SLC26A4: variants seen among roughly 807,000 people sequenced by gnomAD.
SLC26A4 encodes solute carrier family 26 member 4.
SLC26A4 carries 93 observed loss-of-function variants against 90.4 expected under a neutral mutation model. The ratio of observed to expected loss-of-function variants is 1.03; its 90% CI spans 0.87 to 1.22. SLC26A4 has a LOEUF of 1.22. Ranked by LOEUF, SLC26A4 falls within the 50% of genes most tolerant of loss-of-function variation. The pLI, the probability that SLC26A4 is intolerant of heterozygous loss-of-function variation, is 0.00. For synonymous variants in SLC26A4, 393 were observed against 354.6 expected, an observed-to-expected ratio of 1.11 and a Z score of -1.22; for missense variants, 1,127 against 946.2, an observed-to-expected ratio of 1.19 and a Z score of -2.51.
rs568568438 is a variant in SLC26A4, at chr7:107,711,436, A to G, written c.2236-1103A>G. ...AAAACCACTAACCAAGAGTGTATCTACTAGGTTAGACTCACTCTTGTTTGC... is the reference window on the plus strand; with the variant it reads ...AAAACCACTAACCAAGAGTGTATCTGCTAGGTTAGACTCACTCTTGTTTGC... On this transcript the variant is annotated intron_variant, in intron 19 of 20. Transcript: ENST00000644269. Among the ~76,000 whole-genome samples, 4 of 152,262 alleles carry G rather than the reference A, an allele frequency of 2.6e-5. No individual in the cohort carries two copies. In the East Asian group the frequency reaches 7.8e-4, roughly 30 times the overall value.
chr7:107,664,129 G>A (rs760298461), intron 3 of SLC26A4, among the ~76,000 whole-genome samples: 1 of 151,784 alleles, frequency 6.6e-6, no homozygotes, highest in Non-Finnish European at 1.5e-5. Flanking sequence ...ATAACAATGT[G>A]CTAATCTTTC....
At chr7:107,672,067 T>C (rs1304154045) in intron 3 of SLC26A4, 71 bp from the exon 4 acceptor site, 2 of 918,022 alleles carry the variant, frequency 2.2e-6, no homozygotes, top group African/African-American at 3.3e-5. Context: ...AGTGGAACCA[T>C]TGTAAGTTGA....
In SLC26A4 at chr7:107,703,138, G is replaced by A. The variant is rs925617368; in HGVS notation, c.2034+1081G>A. ...TACCTACGTGGGACTTAGCAGTCTG[G>A]AGGAGAAGGCAAACATTAAGTCATC... On this transcript the variant is annotated intron_variant, in intron 17 of 20. Transcript: ENST00000644269. 6.6e-5 allele frequency among the ~76,000 whole-genome samples: 10 copies of A among 152,194 alleles called. 1 individual carries two copies. The highest frequency in any genetic ancestry group is 1.2e-4 in the African/African-American group (5 of 41,436).
In SLC26A4 at chr7:107,716,729, A is replaced by G. The variant is rs770131887; in HGVS notation, c.*1283A>G. 3 of 152,186 alleles carry G rather than the reference A, an allele frequency of 2.0e-5. No individual in the cohort carries two copies. Among genetic ancestry groups the G allele is most frequent in the Non-Finnish European group, 4.4e-5 (3 of 68,026 alleles). 9.4% of individuals were successfully genotyped at this position (152,186 alleles called of 1,614,324 possible). A position where few individuals can be genotyped will look rare whatever the true frequency, so the allele number is the denominator to read the frequency against. ...TCATTTCTAGAGAAAAGTTATACCC[A>G]GGTCCCCAATTGAGAATGTCTTGCT... On this transcript the variant is annotated 3_prime_UTR_variant, in exon 21 of 21. Transcript: ENST00000644269.
rs1584291855 is a variant in SLC26A4 at position 107,661,060 on chromosome 7, G to T, written c.-4+205G>T. 1 of 153,732 alleles carries T rather than the reference G, an allele frequency of 6.5e-6. No homozygotes were observed. The highest frequency in any genetic ancestry group is 2.4e-5 in the African/African-American group (1 of 41,460). The allele number at this position is 153,732 out of a possible 1,614,324, so 9.5% of individuals were successfully genotyped here. A position where few individuals can be genotyped will look rare whatever the true frequency, so the allele number is the denominator to read the frequency against. Reference sequence around the variant, plus strand: ...ACTTGCTCAATAAGCTGAAAGTTCTGCCCCCGAGAGGGCTGCGACAGCTGC... The same window carrying T: ...ACTTGCTCAATAAGCTGAAAGTTCTTCCCCCGAGAGGGCTGCGACAGCTGC... On this transcript the variant is annotated intron_variant, in intron 1 of 20. Transcript: ENST00000644269. This position sits in a 1 kb window ranked among gnomAD's most constrained non-coding sequence, Gnocchi z 5.1.
intron 19 of SLC26A4, 67 bp from the exon 20 acceptor site, chr7:107,712,472 T>A: frequency 1.2e-6 from 1 of 824,684 alleles, no homozygotes; most frequent in South Asian, 1.3e-5. Flanking sequence ...AAGCTTCAAA[T>A]CATTTTCAGT....
At chr7:107,690,306 G>C (rs951819192) in intron 10 of SLC26A4, 69 bp downstream of exon 10, 24 of 946,188 alleles carry the variant, frequency 2.5e-5, no homozygotes, top group Non-Finnish European at 3.7e-5. Context: ...AGGAAGGCTC[G>C]CACCGAGCTT....
chr7:107,675,236 TG>T (rs1294990835), intron 6 of SLC26A4, 127 bp downstream of exon 6: 3 of 763,574 alleles, frequency 3.9e-6, no homozygotes, highest in Non-Finnish European at 6.6e-6. Flanking sequence ...AAGGCCGAGG[TG>T]GGCAGATTGC....
intron 6 of SLC26A4, among the ~76,000 whole-genome samples, chr7:107,682,847 A>T (rs1301221493): frequency 5.3e-5 from 8 of 152,168 alleles, no homozygotes; most frequent in African/African-American, 1.9e-4. Context: ...TGTAAGTAAA[A>T]GTTAGTATGT....
At position 107,716,647 on chromosome 7, in the gene SLC26A4, C is replaced by G. The variant is rs1214377885; in HGVS notation, c.*1201C>G. On this transcript the variant is annotated 3_prime_UTR_variant, in exon 21 of 21. Coordinates refer to ENST00000644269, the MANE Select transcript of SLC26A4 (RefSeq NM_000441.2). ...TTCTAGATATTATATACAACACAGG[C>G]TTTGATCTTGGGGACTTTTCCCATA... 2 of 152,082 alleles carry G rather than the reference C, an allele frequency of 1.3e-5. No individual in the cohort carries two copies. The highest frequency in any genetic ancestry group is 2.9e-5 in the Non-Finnish European group (2 of 68,026). 9.4% of individuals were successfully genotyped at this position (152,082 alleles called of 1,614,324 possible).
intron 8 of SLC26A4, among the ~76,000 whole-genome samples, chr7:107,686,330 A>G (rs1294300328): frequency 2.8e-5 from 2 of 71,618 alleles, no homozygotes; most frequent in Non-Finnish European, 5.3e-5. Flanking sequence ...TCCCTTTCCT[A>G]CCTGCACTCC....
chr7:107,682,021 C>G (rs1238930908), intron 6 of SLC26A4, among the ~76,000 whole-genome samples: 1 of 149,762 alleles, frequency 6.7e-6, no homozygotes, highest in East Asian at 2.0e-4. Context: ...GCCTGTAGCT[C>G]CAGCTACTCT....
At chr7:107,699,150 T>C (rs1029881127) in intron 14 of SLC26A4, among the ~76,000 whole-genome samples, 11 of 152,110 alleles carry the variant, frequency 7.2e-5, no homozygotes, top group South Asian at 2.1e-4. Flanking sequence ...GATTTAGAGA[T>C]TTTTTTGGCT....
chr7:107,710,325 TCA>T (rs1792148216), intron 19 of SLC26A4, 126 bp downstream of exon 19: 1 of 721,552 alleles, frequency 1.4e-6, no homozygotes, highest in South Asian at 1.5e-5. Flanking sequence ...TCATGGAGCC[TCA>T]GTTTTTTCAT....
chr7:107,702,078 A>G (rs752684986), intron 17 of SLC26A4, 21 bp downstream of exon 17: 1 of 1,502,486 alleles, frequency 6.7e-7, no homozygotes, highest in East Asian at 2.3e-5. Context: ...GGTTTTCTGA[A>G]TTATACATTT....
rs1219724284 is a variant in SLC26A4, at chr7:107,663,435, G to A, written c.304G>A (p.Gly102Arg). Reference protein sequence around the residue: ...VSTGLVATLQGMAYALLAAVP... With the variant: ...VSTGLVATLQRMAYALLAAVP... ...TACTGGGCTAGTGGCCACGCTGCAA[G>A]GTAAGATGTTGGCAGATTGAGAGTT... The change falls in exon 3 of 21, where the codon GGG (glycine) becomes AGG (arginine). Residue 102 changes from glycine to arginine, a missense_variant and splice_region_variant. Coordinates refer to ENST00000644269, the MANE Select transcript of SLC26A4 (RefSeq NM_000441.2). The A allele has an allele frequency of 1.2e-6, 2 of 1,614,042 alleles. No homozygotes were observed. Among genetic ancestry groups the A allele is most frequent in the Non-Finnish European group, 1.7e-6 (2 of 1,179,932 alleles).
chr7:107,697,561 T>A (rs190474351), intron 13 of SLC26A4, among the ~76,000 whole-genome samples: 1 of 152,324 alleles, frequency 6.6e-6, no homozygotes, highest in East Asian at 1.9e-4. Flanking sequence ...TCCAGTCTCC[T>A]ATTTCTATAA....
At chr7:107,663,552 T>C (rs1790629121) in intron 3 of SLC26A4, 117 bp downstream of exon 3, 2 of 1,101,420 alleles carry the variant, frequency 1.8e-6, no homozygotes, top group Non-Finnish European at 2.8e-6. Flanking sequence ...ATCTTTCCTG[T>C]AGAGCCCCTT....
At chr7:107,705,065 T>C (rs1792004585) in intron 18 of SLC26A4, among the ~76,000 whole-genome samples, 1 of 152,204 alleles carries the variant, frequency 6.6e-6, no homozygotes, top group Non-Finnish European at 1.5e-5. Context: ...CGAAGGCTGC[T>C]CTACTCCTTC....
Sources: gnomAD v4.1 joint callset for allele counts (sites outside exome capture counted in the v4.1 genomes callset) on GRCh38, gnomAD v4.1.1 for gene constraint, Gnocchi (gnomAD v3.1) non-coding constraint, MANE v1.5 for transcripts, NCBI Gene and HGNC (gene_info 2026-07-23, HGNC 2026-07-21) for gene names.